RGS12: variants seen among roughly 807,000 people sequenced by gnomAD.
RGS12 encodes regulator of G-protein signaling 12.
RGS12 carries 66 observed loss-of-function variants against 120.1 expected under a neutral mutation model. That is an observed-to-expected ratio of 0.55 (90% confidence interval 0.45 to 0.67). RGS12 has a LOEUF of 0.67. Among genes scored for constraint, RGS12 ranks in the 30% least tolerant of loss-of-function variants. The pLI, the probability that RGS12 is intolerant of heterozygous loss-of-function variation, is 0.00. For missense variants in RGS12, 1,859 were observed against 1,957.7 expected (o/e 0.95, Z 0.95); for synonymous variants, 827 against 804.7 (o/e 1.03, Z -0.47).
At chr4:3,364,747 G>A (rs1350323280) in intron 3 of RGS12, among the ~76,000 whole-genome samples, 4 of 152,218 alleles carry the variant, frequency 2.6e-5, no homozygotes, top group African/African-American at 7.2e-5. Context: ...ATTTATTGCC[G>A]GGAGCTGAAG....
chr4:3,405,332 G>T (rs774124622), intron 4 of RGS12, among the ~76,000 whole-genome samples: 1 of 152,218 alleles, frequency 6.6e-6, no homozygotes, highest in Non-Finnish European at 1.5e-5. Context: ...CTGACACCAC[G>T]TGCCTCCTCA....
chr4:3,331,443 T>C (rs1711829928), intron 2 of RGS12, among the ~76,000 whole-genome samples: 1 of 152,118 alleles, frequency 6.6e-6, no homozygotes, highest in Non-Finnish European at 1.5e-5. Flanking sequence ...TTTAAAAAAT[T>C]ATTTTAATAA....
chr4:3,375,702 CCCTCATCTCCAG>C (rs1252529240), intron 3 of RGS12, among the ~76,000 whole-genome samples: 25 of 130,692 alleles, frequency 1.9e-4, no homozygotes, highest in East Asian at 4.9e-4. Flanking sequence ...TCATCTCCAG[CCCTCATCTCCAG>C]CCTCATCTCC....
Position 3,420,527 on chromosome 4 carries a change from T to TG in RGS12, c.2762-107dup, listed in dbSNP as rs370589261. On this transcript the variant is annotated intron_variant, in intron 9 of 17. Transcript: ENST00000336727. Reference sequence around the variant, plus strand: ...AAAGTGATGCCTGGTGGGGGATGGGTGGGGGGGGCTTCCTGGCGTCTGTCT... The same window carrying TG: ...AAAGTGATGCCTGGTGGGGGATGGGTGGGGGGGGGCTTCCTGGCGTCTGTCT... The TG allele has an allele frequency of 3.3e-3, 2,470 of 750,996 alleles. 13 individuals carry two copies. The highest frequency in any genetic ancestry group is 6.5e-3 in the East Asian group (207 of 32,000). 46.5% of individuals were successfully genotyped at this position (750,996 alleles called of 1,614,324 possible).
chr4:3,369,764 T>G, intron 3 of RGS12: 1 of 153,352 alleles, frequency 6.5e-6, no homozygotes, highest in Non-Finnish European at 1.5e-5. Flanking sequence ...GGTTGTTTCA[T>G]ATATTTGGAG....
intron 2 of RGS12, among the ~76,000 whole-genome samples, chr4:3,325,999 A>G (rs1725530935): frequency 6.6e-6 from 1 of 152,198 alleles, no homozygotes; most frequent in South Asian, 2.1e-4. Context: ...CTCAACAAAC[A>G]AAATATAGAA....
intron 4 of RGS12, among the ~76,000 whole-genome samples, chr4:3,387,267 G>C (rs761268791): frequency 2.0e-5 from 3 of 152,202 alleles, no homozygotes; most frequent in Admixed American, 6.5e-5. Context: ...TGGGTTTGAG[G>C]TGCCACTGTA....
At chr4:3,299,055 T>A (rs1179894203) in intron 1 of RGS12, among the ~76,000 whole-genome samples, 1 of 152,196 alleles carries the variant, frequency 6.6e-6, no homozygotes, top group Non-Finnish European at 1.5e-5. Flanking sequence ...TTGTAGATGG[T>A]AACTGTAGTG....
chr4:3,327,721 GAT>G (rs1314773393), intron 2 of RGS12, among the ~76,000 whole-genome samples: 1 of 152,210 alleles, frequency 6.6e-6, no homozygotes, highest in African/African-American at 2.4e-5. Flanking sequence ...ACCACAGTCA[GAT>G]ATCATCTTAC....
chr4:3,369,895 C>T (rs972894424), intron 3 of RGS12: 2 of 432,182 alleles, frequency 4.6e-6, no homozygotes, highest in Admixed American at 5.6e-5. Flanking sequence ...GATTCATTGG[C>T]AGCTGTAATT....
In RGS12 at chr4:3,372,126, A is replaced by G. The variant is rs1468945114; in HGVS notation, c.1999-14290A>G. On this transcript the variant is annotated intron_variant, in intron 3 of 17. Coordinates refer to ENST00000336727, the MANE Select transcript of RGS12 (RefSeq NM_001394154.1). The surrounding 1 kb of genome is among the most constrained non-coding windows in gnomAD (Gnocchi z 4.3). ...GGTGTTGCAGGCTCTGACACTAGTT[A>G]GATGCTGAGAGGAGGCACGGAGACC... Among the ~76,000 whole-genome samples the G allele has an allele frequency of 6.6e-6, 1 of 152,150 alleles. No individual in the cohort carries two copies. Among genetic ancestry groups the G allele is most frequent in the African/African-American group, 2.4e-5 (1 of 41,438 alleles).
chr4:3,421,713 G>T (rs922811177), intron 10 of RGS12, among the ~76,000 whole-genome samples: 2 of 152,230 alleles, frequency 1.3e-5, no homozygotes, highest in African/African-American at 4.8e-5. Flanking sequence ...GCAGAGTAAG[G>T]ACGGCCTCTG....
intron 9 of RGS12, chr4:3,418,535 C>G (rs1722654244): frequency 1.3e-5 from 2 of 152,368 alleles, no homozygotes; most frequent in Admixed American, 1.3e-4. Flanking sequence ...GCAGGGTGCT[C>G]TGCGCTCCGT....
chr4:3,373,098 G>A (rs1251021666), intron 3 of RGS12, among the ~76,000 whole-genome samples: 5 of 152,180 alleles, frequency 3.3e-5, no homozygotes, highest in Non-Finnish European at 7.3e-5. Flanking sequence ...GCAGAGGGCA[G>A]GACCCGTGTT....
intron 3 of RGS12, among the ~76,000 whole-genome samples, chr4:3,375,874 G>A (rs539456005): frequency 2.6e-4 from 40 of 152,348 alleles, no homozygotes; most frequent in African/African-American, 9.4e-4. Context: ...CTTGCGGGGG[G>A]TTGGCACTGA....
chr4:3,396,732 C>A (rs1306417525), intron 4 of RGS12, among the ~76,000 whole-genome samples: 1 of 152,102 alleles, frequency 6.6e-6, no homozygotes, highest in African/African-American at 2.4e-5. Context: ...CTTGGTTATT[C>A]CTGGCCCTTG....
chr4:3,328,683 G>T (rs941850051), intron 2 of RGS12, among the ~76,000 whole-genome samples: 13 of 152,346 alleles, frequency 8.5e-5, no homozygotes, highest in Non-Finnish European at 1.6e-4. Flanking sequence ...TATAGATATA[G>T]TAGTTTTGCA....
Position 3,439,503 on chromosome 4 carries a change from A to T in RGS12, c.4163A>T (p.Asp1388Val). The T allele has an allele frequency of 2.5e-6, 4 of 1,612,738 alleles. No individual in the cohort carries two copies. Among genetic ancestry groups the T allele is most frequent in the Non-Finnish European group, 3.4e-6 (4 of 1,179,864 alleles). The part of the protein sequence containing the change: ...SRDLPVNRII[D>V]VDLVTGSAPG... ...GACCTCCCAGTCAACAGAATCATCG[A>T]TGTGGATCTTGTAACTGGCTCGGCG... Residue 1388 changes from aspartate (D) to valine (V), a missense_variant, in exon 18 of 18, where the codon GAT becomes GTT. Physicochemically the swap from Asp to Val is radical, Grantham distance 152. Transcript: ENST00000336727.
intron 4 of RGS12, among the ~76,000 whole-genome samples, chr4:3,395,971 A>G (rs557954500): frequency 8.5e-5 from 13 of 152,358 alleles, no homozygotes; most frequent in African/African-American, 3.1e-4. Flanking sequence ...CTTCCTGGGT[A>G]CTTTAAATCA....
Sources: allele counts gnomAD v4.1 joint callset (sites outside exome capture counted in the v4.1 genomes callset), GRCh38; gene constraint gnomAD v4.1.1; non-coding constraint Gnocchi (gnomAD v3.1); transcripts MANE v1.5; gene names NCBI Gene and HGNC (gene_info 2026-07-23, HGNC 2026-07-21).